The following CNOT7 variants were observed in gnomAD, a reference collection of about 807,000 sequenced individuals.
CNOT7 encodes the protein BTG1-binding factor 1.
In CNOT7, 4 loss-of-function variants were observed where a neutral mutation model predicts 37.1. The ratio of observed to expected loss-of-function variants is 0.11; its 90% CI spans 0.05 to 0.25. CNOT7 has a LOEUF of 0.25. Among genes scored for constraint, CNOT7 ranks in the 10% least tolerant of loss-of-function variants. CNOT7 has a pLI of 1.00. For synonymous variants in CNOT7, 128 were observed against 115.6 expected (o/e 1.11, Z -0.69); for missense variants, 170 against 336.2 (o/e 0.51, Z 3.87).
At chr8:17,231,979 AATAAT>A (rs1808695140) in intron 6 of CNOT7, 1 of 991,112 alleles carries the variant, frequency 1.0e-6, no homozygotes, top group South Asian at 4.6e-5. Context: ...GACATGAGCA[AATAAT>A]ATATTTATCA....
At chr8:17,237,485 G>A (rs1585810261) in intron 3 of CNOT7, 112 bp from the exon 4 acceptor site, 2 of 896,406 alleles carry the variant, frequency 2.2e-6, no homozygotes, top group Non-Finnish European at 3.4e-6. Flanking sequence ...GGAATGGCTT[G>A]AGTCCACCTG....
chr8:17,236,919 G>A (rs777453565), intron 4 of CNOT7, among the ~76,000 whole-genome samples: 1 of 152,168 alleles, frequency 6.6e-6, no homozygotes, highest in African/African-American at 2.4e-5. Flanking sequence ...AAAACCCTGG[G>A]TAACACCAAT....
At chr8:17,234,542 G>C (rs865907275) in intron 5 of CNOT7, 174 bp downstream of exon 5, 12 of 651,556 alleles carry the variant, frequency 1.8e-5, no homozygotes, top group Non-Finnish European at 3.1e-5. Context: ...TCTGAAAAAA[G>C]GATTCCCTAC....
At chr8:17,234,011 G>A (rs551395217) in intron 5 of CNOT7, among the ~76,000 whole-genome samples, 16 of 152,186 alleles carry the variant, frequency 1.1e-4, no homozygotes, top group South Asian at 2.1e-4. Flanking sequence ...CCGAGACCAC[G>A]CCACTGCACT....
chr8:17,236,181 A>G (rs1809334968), intron 4 of CNOT7, among the ~76,000 whole-genome samples: 3 of 152,232 alleles, frequency 2.0e-5, no homozygotes, highest in Admixed American at 1.3e-4. Flanking sequence ...AGTACACATC[A>G]AAGTTGCCCA....
chr8:17,242,946 A>C (rs772211173), intron 3 of CNOT7, 46 bp downstream of exon 3: 6 of 1,251,886 alleles, frequency 4.8e-6, no homozygotes, highest in Non-Finnish European at 6.5e-6. Context: ...CTAAGATTAA[A>C]GAAAAAAAAA....
Position 17,225,465 on chromosome 8 carries a change from A to G in CNOT7, c.*5255T>C, listed in dbSNP as rs528757601. 6 of 151,916 alleles carry G rather than the reference A, an allele frequency of 3.9e-5. No homozygotes were observed. In the East Asian group the frequency reaches 1.2e-3, roughly 29 times the overall value. The allele number at this position is 151,916 out of a possible 1,614,324, so 9.4% of individuals were successfully genotyped here. A position where few individuals can be genotyped will look rare whatever the true frequency, so the allele number is the denominator to read the frequency against. On this transcript the variant is annotated 3_prime_UTR_variant, in exon 7 of 7. Coordinates refer to ENST00000361272, the MANE Select transcript of CNOT7 (RefSeq NM_013354.7). Reference sequence around the variant, plus strand: ...TAGCTTGTTCATTCACCTACAGACTATGGCTACAAAGCAATGAAATGGACT... The same window carrying G: ...TAGCTTGTTCATTCACCTACAGACTGTGGCTACAAAGCAATGAAATGGACT...
intron 2 of CNOT7, chr8:17,243,568 G>A (rs1354593613): frequency 6.5e-6 from 3 of 462,160 alleles, no homozygotes; most frequent in East Asian, 6.8e-5. Flanking sequence ...AGGGGAAAAC[G>A]CCCTGTACTT....
At chr8:17,233,964 G>T (rs953282009) in intron 5 of CNOT7, among the ~76,000 whole-genome samples, 2 of 152,182 alleles carry the variant, frequency 1.3e-5, no homozygotes, top group African/African-American at 2.4e-5. Context: ...TGAGGCAGGA[G>T]AATCACTTGA....
chr8:17,230,329 C>T lies in CNOT7; in HGVS notation c.*391G>A, dbSNP rs1183254894. The T allele has an allele frequency of 2.0e-5, 3 of 153,574 alleles. No homozygotes were observed. The highest frequency in any genetic ancestry group is 7.2e-5 in the African/African-American group (3 of 41,450). The allele number at this position is 153,574 out of a possible 1,614,324, so 9.5% of individuals were successfully genotyped here. A position where few individuals can be genotyped will look rare whatever the true frequency, so the allele number is the denominator to read the frequency against. On this transcript the variant is annotated 3_prime_UTR_variant, in exon 7 of 7. Transcript: ENST00000361272. The stretch of plus-strand genomic sequence containing the variant: ...GGTCCACGATCTCAAATAGCTAAAA[C>T]TCCTGCAGAATGGAAGGGAGAGACG...
intron 4 of CNOT7, among the ~76,000 whole-genome samples, chr8:17,235,353 G>C (rs550087257): frequency 5.3e-5 from 8 of 152,282 alleles, no homozygotes; most frequent in South Asian, 4.1e-4. Flanking sequence ...TTTATCCAAA[G>C]AATAAGACTG....
chr8:17,245,168 G>T lies in CNOT7; in HGVS notation c.-16C>A, dbSNP rs370617159. 10 of 1,591,740 alleles carry T rather than the reference G, an allele frequency of 6.3e-6. No individual in the cohort carries two copies. The East Asian group carries it at 2.2e-4, about 36-fold the overall frequency. ...CCGCTGGCATAGTGAGGGCACAAGG[G>T]AGTCTAGATGCCAAGCATCAAAATG... On this transcript the variant is annotated 5_prime_UTR_variant, in exon 2 of 7. Coordinates refer to ENST00000361272, the MANE Select transcript of CNOT7 (RefSeq NM_013354.7).
chr8:17,239,281 A>T (rs532975270), intron 3 of CNOT7, among the ~76,000 whole-genome samples: 1 of 152,242 alleles, frequency 6.6e-6, no homozygotes, highest in East Asian at 1.9e-4. Flanking sequence ...AACTGAGCTC[A>T]AACAATCTGC....
rs1159986391 is a variant in CNOT7 at position 17,225,569 on chromosome 8, TG to T, written c.*5150del. On this transcript the variant is annotated 3_prime_UTR_variant, in exon 7 of 7. Transcript: ENST00000361272. The stretch of plus-strand genomic sequence containing the variant: ...GCTGTAGAAAACTGTTTAAAACAAA[TG>T]GAAATTGTCTAGTGATAATGTACAT... 2.0e-5 allele frequency: 3 copies of T among 151,728 alleles called. No individual in the cohort carries two copies. Among genetic ancestry groups the T allele is most frequent in the African/African-American group, 7.2e-5 (3 of 41,408 alleles). The allele number at this position is 151,728 out of a possible 1,614,324, so 9.4% of individuals were successfully genotyped here. A position where few individuals can be genotyped will look rare whatever the true frequency, so the allele number is the denominator to read the frequency against.
chr8:17,226,305 A>G lies in CNOT7; in HGVS notation c.*4415T>C, dbSNP rs1423217738. On this transcript the variant is annotated 3_prime_UTR_variant, in exon 7 of 7. Transcript: ENST00000361272. ...CTGAAAGTTGGTATCCCCTCATTGG[A>G]ATAAATAGAAAATGTTAATCTGTTA... is the stretch of plus-strand genomic sequence containing the variant. The G allele has an allele frequency of 6.6e-6, 1 of 151,364 alleles. No homozygotes were observed. The highest frequency in any genetic ancestry group is 1.5e-5 in the Non-Finnish European group (1 of 67,568). 9.4% of individuals were successfully genotyped at this position (151,364 alleles called of 1,614,324 possible). A position where few individuals can be genotyped will look rare whatever the true frequency, so the allele number is the denominator to read the frequency against.
At position 17,234,920 on chromosome 8, in the gene CNOT7, A is replaced by G; in HGVS notation, c.474-60T>C. ...ATATAAATACTATAAAGATTAAAAA[A>G]AAAAGTTTTTCTGATTCAAATTTAA... On this transcript the variant is annotated intron_variant, in intron 4 of 6. Transcript: ENST00000361272. 3 of 1,498,576 alleles carry G rather than the reference A, an allele frequency of 2.0e-6. No homozygotes were observed. In the South Asian group the frequency reaches 3.9e-5, roughly 19 times the overall value. 92.8% of individuals were successfully genotyped at this position (1,498,576 alleles called of 1,614,324 possible).
rs61036000 is a variant in CNOT7 at position 17,226,029 on chromosome 8, CTTTTTTTTTTTT to C, written c.*4679_*4690del. 3 of 58,704 alleles carry C rather than the reference CTTTTTTTTTTTT, an allele frequency of 5.1e-5. No homozygotes were observed. The highest frequency in any genetic ancestry group is 1.3e-4 in the African/African-American group (2 of 15,068). 3.6% of individuals were successfully genotyped at this position (58,704 alleles called of 1,614,324 possible). On this transcript the variant is annotated 3_prime_UTR_variant, in exon 7 of 7. Transcript: ENST00000361272. ...TCTTCTAGTAGAGAGGTGGACAAGC[CTTTTTTTTTTTT>C]TTTTTTTTTTTTTTGAAAAGGGCAG...
intron 3 of CNOT7, among the ~76,000 whole-genome samples, chr8:17,238,741 C>T (rs1356081278): frequency 6.6e-6 from 1 of 152,176 alleles, no homozygotes; most frequent in Non-Finnish European, 1.5e-5. Flanking sequence ...CTTAAGTTTC[C>T]AATAACACCC....
At position 17,229,783 on chromosome 8, in the gene CNOT7, A is replaced by G. The variant is rs1328500824; in HGVS notation, c.*937T>C. ...AAAGACTTATCTTTGGATTTTTAAT[A>G]AAATTGATTTGTGTAACCAACAAAT... is the stretch of plus-strand genomic sequence containing the variant. On this transcript the variant is annotated 3_prime_UTR_variant, in exon 7 of 7. Coordinates refer to ENST00000361272, the MANE Select transcript of CNOT7 (RefSeq NM_013354.7). 1.3e-5 allele frequency: 2 copies of G among 152,116 alleles called. No homozygotes were observed. Among genetic ancestry groups the G allele is most frequent in the Non-Finnish European group, 2.9e-5 (2 of 67,816 alleles). The allele number at this position is 152,116 out of a possible 1,614,324, so 9.4% of individuals were successfully genotyped here. A position where few individuals can be genotyped will look rare whatever the true frequency, so the allele number is the denominator to read the frequency against.
Sources: allele counts gnomAD v4.1 joint callset (sites outside exome capture counted in the v4.1 genomes callset), GRCh38; gene constraint gnomAD v4.1.1; transcripts MANE v1.5; gene names NCBI Gene and HGNC (gene_info 2026-07-23, HGNC 2026-07-21).